ATAD2: variants seen among roughly 807,000 people sequenced by gnomAD.
The protein encoded by ATAD2 is ATPase family AAA domain-containing protein 2.
Under a neutral mutation model 168.9 loss-of-function variants are expected in ATAD2, and 62 were observed. That is an observed-to-expected ratio of 0.37 (90% CI 0.30 to 0.45). The LOEUF is 0.45. Among genes scored for constraint, ATAD2 ranks in the 20% least tolerant of loss-of-function variants. The probability of loss-of-function intolerance (pLI) is 1.00; values close to 1 mark genes in which losing one functional copy is unlikely to be tolerated. For missense variants in ATAD2, 1,419 were observed against 1,667.8 expected, an observed-to-expected ratio of 0.85 and a Z score of 2.60; for synonymous variants, 613 against 571.6, an observed-to-expected ratio of 1.07 and a Z score of -1.03.
chr8:123,356,610 A>G (rs1828653262), intron 12 of ATAD2, 133 bp from the exon 13 acceptor site: 1 of 438,800 alleles, frequency 2.3e-6, no homozygotes, highest in Non-Finnish European at 3.6e-6. Flanking sequence ...ATACTATTTG[A>G]ATCGGTTTTT....
upstream of ATAD2, among the ~76,000 whole-genome samples, chr8:123,396,751 G>A (rs1223861599): frequency 6.6e-6 from 1 of 152,166 alleles, no homozygotes; most frequent in African/African-American, 2.4e-5. Context: ...GACGGCGGCG[G>A]GGGAAGGGAG....
At chr8:123,364,750 A>ACT (rs1828920637) in intron 8 of ATAD2, among the ~76,000 whole-genome samples, 1 of 152,200 alleles carries the variant, frequency 6.6e-6, no homozygotes, top group South Asian at 2.1e-4. Context: ...AGCTCTCAGC[A>ACT]AAGTCAGCAT....
rs73341764 is a variant in ATAD2, at chr8:123,369,903, T to A, written c.849A>T (p.Glu283Asp). ...DDDDDEDDED[E>D]EDGEEENQKR... ...TCTGATTCTCTTCTTCTCCATCTTCTTCATCTTCATCATCTTCATCATCAT... is the reference window on the plus strand; with the variant it reads ...TCTGATTCTCTTCTTCTCCATCTTCATCATCTTCATCATCTTCATCATCAT... Residue 283 changes from glutamate to aspartate, a missense_variant, in exon 7 of 28, where the codon GAA (glutamate) becomes GAT (aspartate). Transcript: ENST00000287394. 6.2e-6 allele frequency: 10 copies of A among 1,602,450 alleles called. No individual in the cohort carries two copies. In the African/African-American group the frequency reaches 7.0e-5, roughly 11 times the overall value.
chr8:123,350,900 T>G (rs1236688153), intron 13 of ATAD2, among the ~76,000 whole-genome samples: 1 of 151,586 alleles, frequency 6.6e-6, no homozygotes, highest in South Asian at 2.1e-4. Context: ...AATTTTTTTG[T>G]ATTTTTTTTT....
intron 1 of ATAD2, among the ~76,000 whole-genome samples, chr8:123,410,362 C>T (rs529626358): frequency 6.6e-5 from 10 of 152,170 alleles, no homozygotes; most frequent in African/African-American, 9.7e-5. Flanking sequence ...TCTCAGCTCA[C>T]GGCAACCTCC....
At chr8:123,331,552 T>C (rs568754839) in intron 24 of ATAD2, among the ~76,000 whole-genome samples, 1 of 152,342 alleles carries the variant, frequency 6.6e-6, no homozygotes, top group African/African-American at 2.4e-5. Flanking sequence ...TTATTATTAT[T>C]GTTTACAATG....
In ATAD2 at chr8:123,327,331, A is replaced by G. The variant is rs998147156; in HGVS notation, c.3868+859T>C. 4.9e-4 allele frequency among the ~76,000 whole-genome samples: 74 copies of G among 152,252 alleles called. 1 individual carries two copies. ...GTATTCTTTTTAAAAAGAAAATGAT[A>G]AAAGAAAAATAAAACAAATCTGATT... On this transcript the variant is annotated intron_variant, in intron 25 of 27. Transcript: ENST00000287394.
chr8:123,409,934 A>G (rs1188110398), intron 1 of ATAD2, among the ~76,000 whole-genome samples: 3 of 94,482 alleles, frequency 3.2e-5, no homozygotes, highest in Non-Finnish European at 6.6e-5. Context: ...GTGAGACTCC[A>G]TCTCGGAAAA....
chr8:123,381,916 C>T (rs750923717), intron 1 of ATAD2, among the ~76,000 whole-genome samples: 3 of 151,986 alleles, frequency 2.0e-5, no homozygotes, highest in South Asian at 2.1e-4. Flanking sequence ...CCTGGTGGTG[C>T]GTGCATGTAA....
intron 13 of ATAD2, chr8:123,352,670 T>G (rs2131344278): frequency 6.7e-6 from 1 of 150,290 alleles, no homozygotes; most frequent in Admixed American, 6.6e-5. Context: ...GAATAGAAAT[T>G]AAGAAATCAT....
At chr8:123,334,670 G>A (rs534145075) in intron 22 of ATAD2, among the ~76,000 whole-genome samples, 2 of 152,304 alleles carry the variant, frequency 1.3e-5, no homozygotes, top group Admixed American at 1.3e-4. Context: ...AACAAAGAAT[G>A]TGAAAGAATT....
Position 123,382,962 on chromosome 8 carries a change from T to C in ATAD2, c.172-2285A>G, listed in dbSNP as rs180927201. 2.2e-3 allele frequency among the ~76,000 whole-genome samples: 328 copies of C among 152,276 alleles called. 1 individual carries two copies. The highest frequency in any genetic ancestry group is 3.6e-3 in the Non-Finnish European group (248 of 68,028). On this transcript the variant is annotated intron_variant, in intron 1 of 27. Transcript: ENST00000287394. The stretch of plus-strand genomic sequence containing the variant: ...AACCAACCCAAATGCCCATCAATGA[T>C]AGACTGGATAAAGAAAATGTGGCAC...
At chr8:123,396,097 C>A in intron 1 of ATAD2, 90 bp downstream of exon 1, 1 of 1,373,548 alleles carries the variant, frequency 7.3e-7, no homozygotes, top group Non-Finnish European at 9.5e-7. Context: ...CCCTGACCGG[C>A]GCCGCCCACC....
At chr8:123,328,798 A>AT (rs35015706) in intron 24 of ATAD2, among the ~76,000 whole-genome samples, 110,387 of 126,826 alleles carry the variant, frequency 0.87, 49,473 homozygotes, top group South Asian at 0.97. Flanking sequence ...TTATCTTGAA[A>AT]TTTTTTTTTT....
chr8:123,400,165 AAAAT>A (rs1177312616), upstream of ATAD2, among the ~76,000 whole-genome samples: 3 of 152,318 alleles, frequency 2.0e-5, 1 homozygote, highest in South Asian at 4.1e-4. This position sits in a 1 kb window ranked among gnomAD's most constrained non-coding sequence, Gnocchi z 4.5. Flanking sequence ...CTCCAGCTCA[AAAAT>A]AAATAAATAA....
chr8:123,346,582 A>G (rs903989407), intron 17 of ATAD2, 36 bp downstream of exon 17: 4 of 1,474,644 alleles, frequency 2.7e-6, no homozygotes, highest in Middle Eastern at 4.8e-4. Context: ...GAAAATTTAC[A>G]CATGCAAAAA....
intron 11 of ATAD2, among the ~76,000 whole-genome samples, 192 bp downstream of exon 11, chr8:123,359,029 G>A (rs1198891144): frequency 2.0e-5 from 3 of 151,966 alleles, no homozygotes; most frequent in Non-Finnish European, 4.4e-5. Context: ...ATGATGGGGG[G>A]AAAGCTTACT....
chr8:123,401,283 C>A (rs1812995444), upstream of ATAD2: 2 of 1,137,124 alleles, frequency 1.8e-6, no homozygotes, highest in South Asian at 1.3e-5. Context: ...CTGTGGCCTC[C>A]AAGGATTCCC....
intron 1 of ATAD2, among the ~76,000 whole-genome samples, chr8:123,411,783 A>G (rs1261858813): frequency 6.6e-6 from 1 of 152,202 alleles, no homozygotes; most frequent in Non-Finnish European, 1.5e-5. Flanking sequence ...ATAAATAAAT[A>G]AACAAATAAA....
Sources: allele counts gnomAD v4.1 joint callset (sites outside exome capture counted in the v4.1 genomes callset), GRCh38; gene constraint gnomAD v4.1.1; non-coding constraint Gnocchi (gnomAD v3.1); transcripts MANE v1.5; gene names NCBI Gene and HGNC (gene_info 2026-07-23, HGNC 2026-07-21).